F10: variants seen among roughly 807,000 people sequenced by gnomAD.
The protein encoded by F10 is Stuart-Prower factor.
A neutral mutation model predicts 37.1 loss-of-function variants in F10; 29 were observed. The observed-to-expected ratio is 0.78, with a 90% CI of 0.58 to 1.07. F10 has a LOEUF of 1.07. Ranked by LOEUF, F10 falls within the 50% of genes least tolerant of loss-of-function variation. F10 has a pLI of 0.00. For synonymous variants in F10, 262 were observed against 268.6 expected (o/e 0.98, Z 0.24); for missense variants, 539 against 667.9 (o/e 0.81, Z 2.13).
At chr13:113,147,242 T>C (rs2036590661) in intron 6 of F10, 137 bp from the exon 7 acceptor site, 8 of 708,790 alleles carry the variant, frequency 1.1e-5, no homozygotes, top group Middle Eastern at 3.7e-4. Context: ...GAACTGTCCT[T>C]GGGTGGATGG....
At chr13:113,145,718 G>A (rs3211793) in intron 6 of F10, among the ~76,000 whole-genome samples, 14,671 of 152,134 alleles carry the variant, frequency 0.096, 863 homozygotes, top group African/African-American at 0.17. Context: ...CTTACATGGC[G>A]GCAGCAAGAC....
chr13:113,140,807 C>T lies in F10; in HGVS notation c.371-112C>T, dbSNP rs2036520160. 4 of 1,545,928 alleles carry T rather than the reference C, an allele frequency of 2.6e-6. No homozygotes were observed. The South Asian group carries it at 4.5e-5, about 17-fold the overall frequency. ...CGCCTGGCTCTGGCCCTTTGCTCAA[C>T]CCAATGGCCGCTTTGTGGCTGACAG... is the stretch of plus-strand genomic sequence containing the variant. On this transcript the variant is annotated intron_variant, in intron 4 of 7. Transcript: ENST00000375559.
rs200374637 is a variant in F10, at chr13:113,149,106, G to A, written c.1056G>A (p.Thr352=). The part of the protein sequence containing the change: ...CLPERDWAES[T]LMTQKTGIVS... ...CCGAGCGTGACTGGGCCGAGTCCAC[G>A]CTGATGACGCAGAAGACGGGGATTG... The change falls in exon 8 of 8, where the codon ACG becomes ACA. Residue 352 remains threonine (T), a synonymous_variant. Coordinates refer to ENST00000375559, the MANE Select transcript of F10 (RefSeq NM_000504.4). This position sits in a 1 kb window ranked among gnomAD's most constrained non-coding sequence, Gnocchi z 7.5. 184 of 1,613,078 alleles carry A rather than the reference G, an allele frequency of 1.1e-4. No homozygotes were observed. In the East Asian group the frequency reaches 2.7e-3, roughly 23 times the overall value.
rs1353784406 is a variant in F10, at chr13:113,144,851, T to A, written c.747+756T>A. 1.3e-5 allele frequency among the ~76,000 whole-genome samples: 2 copies of A among 149,694 alleles called. No individual in the cohort carries two copies. Among genetic ancestry groups the A allele is most frequent in the Non-Finnish European group, 3.0e-5 (2 of 67,484 alleles). On this transcript the variant is annotated intron_variant, in intron 6 of 7. Coordinates refer to ENST00000375559, the MANE Select transcript of F10 (RefSeq NM_000504.4). The surrounding 1 kb of genome is among the most constrained non-coding windows in gnomAD (Gnocchi z 6.4). The stretch of plus-strand genomic sequence containing the variant: ...GCCTCAGACTCCCAAGTAGCTGGAA[T>A]TACGGGCGCCCGCTACTTACGCCTG...
intron 2 of F10, among the ~76,000 whole-genome samples, 177 bp downstream of exon 2, chr13:113,129,789 A>G (rs554171958): frequency 1.3e-5 from 2 of 152,226 alleles, no homozygotes; most frequent in Admixed American, 6.5e-5. Flanking sequence ...CCACAGGGAC[A>G]TCAGTGCCGC....
chr13:113,141,007 CG>C lies in F10; in HGVS notation c.462del (p.Tyr155ThrfsTer112). ...ACTCTGTGGTGTGCTCCTGCGCCCG[CG>C]GGTACACCCTGGCTGACAACGGCAA... The part of the protein sequence containing the change: ...QNSVVCSCAR[G>X]YTLADNGKAC... On this transcript the variant is annotated frameshift_variant, in exon 5 of 8. Coordinates refer to ENST00000375559, the MANE Select transcript of F10 (RefSeq NM_000504.4). LOFTEE classifies it high-confidence loss of function. This position sits in a 1 kb window ranked among gnomAD's most constrained non-coding sequence, Gnocchi z 5.4. 1 of 1,614,092 alleles carries C rather than the reference CG, an allele frequency of 6.2e-7. No homozygotes were observed. Among genetic ancestry groups the C allele is most frequent in the Non-Finnish European group, 8.5e-7 (1 of 1,180,052 alleles).
At position 113,143,513 on chromosome 13, in the gene F10, C is replaced by T. The variant is rs1242059710; in HGVS notation, c.503-338C>T. On this transcript the variant is annotated intron_variant, in intron 5 of 7. Coordinates refer to ENST00000375559, the MANE Select transcript of F10 (RefSeq NM_000504.4). The surrounding 1 kb of genome is among the most constrained non-coding windows in gnomAD (Gnocchi z 6.8). ...TGCATTCATCCCATTTCGCCCGGCC[C>T]GTTTGTCTCTGTCCATCCGTCAAGC... Among the ~76,000 whole-genome samples the T allele has an allele frequency of 2.0e-5, 3 of 152,194 alleles. No individual in the cohort carries two copies. Among genetic ancestry groups the T allele is most frequent in the South Asian group, 2.1e-4 (1 of 4,832 alleles).
At chr13:113,140,754 G>C in intron 4 of F10, 165 bp from the exon 5 acceptor site, 1 of 995,358 alleles carries the variant, frequency 1.0e-6, no homozygotes, top group Non-Finnish European at 1.6e-6. Flanking sequence ...TGACCCGTGA[G>C]GTTGCCCTTC....
chr13:113,143,700 C>A lies in F10; in HGVS notation c.503-151C>A. 7.9e-5 allele frequency: 90 copies of A among 1,143,566 alleles called. No homozygotes were observed. Among genetic ancestry groups the A allele is most frequent in the Admixed American group, 5.7e-4 (23 of 40,502 alleles). 70.8% of individuals were successfully genotyped at this position (1,143,566 alleles called of 1,614,324 possible). Reference sequence around the variant, plus strand: ...CTGCAGATCCGACCCCTGCCGACGACGTGGGGCCTCGCCCTGCAAGCCCGC... The same window carrying A: ...CTGCAGATCCGACCCCTGCCGACGAAGTGGGGCCTCGCCCTGCAAGCCCGC... On this transcript the variant is annotated intron_variant, in intron 5 of 7. Coordinates refer to ENST00000375559, the MANE Select transcript of F10 (RefSeq NM_000504.4). The surrounding 1 kb of genome is among the most constrained non-coding windows in gnomAD (Gnocchi z 6.8).
At chr13:113,128,474 G>A (rs1474693980) in intron 1 of F10, 1 of 152,220 alleles carries the variant, frequency 6.6e-6, no homozygotes, top group Non-Finnish European at 1.5e-5. Context: ...AGGTTGTGGA[G>A]ACCAAGGTTC....
At chr13:113,128,570 T>C (rs1437131932) in intron 1 of F10, 1 of 152,314 alleles carries the variant, frequency 6.6e-6, no homozygotes, top group Admixed American at 6.5e-5. Flanking sequence ...TAAAAGGTGC[T>C]ACACACATGG....
At chr13:113,147,290 C>T (rs770205524) in intron 6 of F10, 89 bp from the exon 7 acceptor site, 363 of 857,428 alleles carry the variant, frequency 4.2e-4, no homozygotes, top group Non-Finnish European at 6.5e-4. Context: ...TGGGGAGGGC[C>T]GGGCAGTGCC....
rs751808994 is a variant in F10, at chr13:113,146,942, G to A, written c.748-437G>A. The stretch of plus-strand genomic sequence containing the variant: ...GAAGTCACCTGGGATGGAGGTGTCC[G>A]TGCACCATGGGGGACAGGCTCACAC... On this transcript the variant is annotated intron_variant, in intron 6 of 7. Coordinates refer to ENST00000375559, the MANE Select transcript of F10 (RefSeq NM_000504.4). The surrounding 1 kb of genome is among the most constrained non-coding windows in gnomAD (Gnocchi z 4.5). Among the ~76,000 whole-genome samples the A allele has an allele frequency of 1.7e-4, 26 of 152,158 alleles. No homozygotes were observed. Among genetic ancestry groups the A allele is most frequent in the Non-Finnish European group, 3.5e-4 (24 of 68,012 alleles).
Position 113,129,501 on chromosome 13 carries a change from G to C in F10, c.120G>C (p.Arg40Ser). ...QANNILARVT[R>S]ANSFLEEMKK... ...ACAACATCCTGGCGAGGGTCACGAG[G>C]GCCAATTCCTTTCTTGAAGAGATGA... The change falls in exon 2 of 8, where the codon AGG (arginine) becomes AGC (serine). Residue 40 changes from arginine (R) to serine (S), a missense_variant. Transcript: ENST00000375559. The C allele has an allele frequency of 6.2e-7, 1 of 1,614,120 alleles. No homozygotes were observed. The highest frequency in any genetic ancestry group is 8.5e-7 in the Non-Finnish European group (1 of 1,180,002).
In F10 at chr13:113,149,246, C is replaced by T. The variant is rs1259288580; in HGVS notation, c.1196C>T (p.Thr399Ile). ...AAGCTGTCCAGCAGCTTCATCATCA[C>T]CCAGAACATGTTCTGTGCCGGCTAC... ...SCKLSSSFII[T>I]QNMFCAGYDT... The change falls in exon 8 of 8, where the codon ACC becomes ATC. Residue 399 changes from threonine (T) to isoleucine (I), a missense_variant. Thr to Ile is a moderately conservative substitution (Grantham distance 89). Transcript: ENST00000375559. The surrounding 1 kb of genome is among the most constrained non-coding windows in gnomAD (Gnocchi z 7.5). The T allele has an allele frequency of 1.2e-6, 2 of 1,613,252 alleles. No homozygotes were observed. Among genetic ancestry groups the T allele is most frequent in the East Asian group, 2.2e-5 (1 of 44,882 alleles).
chr13:113,126,632 A>G (rs1327437159), intron 1 of F10, among the ~76,000 whole-genome samples: 1 of 152,202 alleles, frequency 6.6e-6, no homozygotes, highest in Non-Finnish European at 1.5e-5. Context: ...CCATCTGGCC[A>G]CAAGGAAGGA....
intron 1 of F10, among the ~76,000 whole-genome samples, chr13:113,127,763 T>C (rs529608836): frequency 2.3e-4 from 35 of 152,346 alleles, no homozygotes; most frequent in African/African-American, 7.9e-4. Context: ...TCCTGGCACT[T>C]CATAAATTGT....
At chr13:113,132,633 C>G (rs483743) in intron 2 of F10, among the ~76,000 whole-genome samples, 121,301 of 152,204 alleles carry the variant, frequency 0.8, 48,836 homozygotes, top group East Asian at 0.89. Flanking sequence ...AGCTATTTGA[C>G]GACCCTAAAA....
chr13:113,126,706 G>C (rs1263228532), intron 1 of F10, among the ~76,000 whole-genome samples: 1 of 152,218 alleles, frequency 6.6e-6, no homozygotes, highest in Non-Finnish European at 1.5e-5. Context: ...AGAACACCGA[G>C]GGCAAGGCAG....
Sources: allele counts gnomAD v4.1 joint callset (sites outside exome capture counted in the v4.1 genomes callset), GRCh38; gene constraint gnomAD v4.1.1; non-coding constraint Gnocchi (gnomAD v3.1); transcripts MANE v1.5; gene names NCBI Gene and HGNC (gene_info 2026-07-23, HGNC 2026-07-21).